The following ERMP1 variants were observed in gnomAD, a reference collection of about 807,000 sequenced individuals.
ERMP1 encodes the protein Felix-ina.
A neutral mutation model predicts 92.0 loss-of-function variants in ERMP1; 86 were observed. The observed-to-expected ratio is 0.93, with a 90% confidence interval of 0.79 to 1.12. ERMP1 has a LOEUF of 1.12. Among genes scored for constraint, ERMP1 ranks in the 50% most tolerant of loss-of-function variants. The pLI is 0.00. For synonymous variants in ERMP1, 530 were observed against 412.8 expected, an observed-to-expected ratio of 1.28 and a Z score of -3.44; for missense variants, 1,342 against 1,116.3, an observed-to-expected ratio of 1.20 and a Z score of -2.88.
intron 1 of ERMP1, among the ~76,000 whole-genome samples, chr9:5,831,274 A>C (rs1282224170): frequency 6.6e-6 from 1 of 152,138 alleles, no homozygotes; most frequent in Admixed American, 6.5e-5. Flanking sequence ...ACTTCTCCCC[A>C]TATCAAACCA....
chr9:5,832,457 G>A (rs941206180), intron 1 of ERMP1: 1 of 455,608 alleles, frequency 2.2e-6, no homozygotes, highest in Non-Finnish European at 3.8e-6. Flanking sequence ...AATCTACCTG[G>A]CAACCCCAAT....
chr9:5,812,859 C>T (rs1251333321), intron 5 of ERMP1, 30 bp downstream of exon 5: 6 of 1,613,230 alleles, frequency 3.7e-6, no homozygotes, highest in Non-Finnish European at 5.1e-6. Context: ...ATAAATGCTG[C>T]ACAGTAGGCC....
chr9:5,804,830 A>T (rs979048757), intron 10 of ERMP1, among the ~76,000 whole-genome samples, 197 bp downstream of exon 10: 2 of 151,962 alleles, frequency 1.3e-5, no homozygotes, highest in Admixed American at 6.6e-5. Flanking sequence ...AAAAACTTTT[A>T]AACAGCAACA....
chr9:5,852,049 T>A (rs1220113909), intron 6 of ERMP1, among the ~76,000 whole-genome samples: 1 of 152,174 alleles, frequency 6.6e-6, no homozygotes, highest in Non-Finnish European at 1.5e-5. Flanking sequence ...GACGTTTATG[T>A]CATTACTTTT....
intron 4 of ERMP1, among the ~76,000 whole-genome samples, chr9:5,817,135 T>C (rs180964841): frequency 2.0e-5 from 3 of 152,186 alleles, no homozygotes; most frequent in African/African-American, 7.2e-5. Context: ...CCTGACCTCG[T>C]GATCCGCCTG....
chr9:5,843,207 C>T (rs1045566680), intron 6 of ERMP1, among the ~76,000 whole-genome samples: 1 of 152,150 alleles, frequency 6.6e-6, no homozygotes, highest in Non-Finnish European at 1.5e-5. Flanking sequence ...GAACTAGAAC[C>T]CTGGCTCCAC....
chr9:5,825,128 T>C lies in ERMP1; in HGVS notation c.732A>G (p.Ile244Met), dbSNP rs144810528. 45 of 1,614,038 alleles carry C rather than the reference T, an allele frequency of 2.8e-5. No homozygotes were observed. In the African/African-American group the frequency reaches 4.0e-4, roughly 14 times the overall value. Residue 244 changes from isoleucine (I) to methionine (M), a missense_variant, in exon 3 of 15, where the codon ATA (isoleucine) becomes ATG (methionine). Coordinates refer to ENST00000339450, the MANE Select transcript of ERMP1 (RefSeq NM_024896.3). ...TSSEALHHAV[I>M]FLFNGAEENV... Reference sequence around the variant, plus strand: ...TTTCCTCAGCACCATTAAAGAGAAATATGACAGCATGATGCAAGGCTTCTG... The same window carrying C: ...TTTCCTCAGCACCATTAAAGAGAAACATGACAGCATGATGCAAGGCTTCTG...
Position 5,830,903 on chromosome 9 carries a change from T to G in ERMP1, c.464A>C (p.His155Pro), listed in dbSNP as rs757070166. ...CCGTTGTACATCTACTGAAATCTTA[T>G]GAAGGCTGTTGCTTTGCACTTCAAT... ...KLIEVQSNSL[H>P]KISVDVQRPT... The change falls in exon 2 of 15, where the codon CAT becomes CCT. Residue 155 changes from histidine to proline, a missense_variant. By Grantham distance (77) the His-to-Pro change is moderately conservative. Transcript: ENST00000339450. 8 of 1,614,080 alleles carry G rather than the reference T, an allele frequency of 5.0e-6. No individual in the cohort carries two copies. The highest frequency in any genetic ancestry group is 5.9e-6 in the Non-Finnish European group (7 of 1,180,034).
chr9:5,814,393 C>T (rs1829223495), intron 4 of ERMP1, among the ~76,000 whole-genome samples: 1 of 152,120 alleles, frequency 6.6e-6, no homozygotes, highest in Admixed American at 6.5e-5. Flanking sequence ...GTCAGGGAAT[C>T]TAAGAATATT....
intron 5 of ERMP1, among the ~76,000 whole-genome samples, chr9:5,864,678 T>C (rs570265202): frequency 6.6e-6 from 1 of 152,280 alleles, no homozygotes; most frequent in East Asian, 1.9e-4. Context: ...GGCACCTTCC[T>C]TACCAGGATG....
At chr9:5,814,528 AG>A (rs1276318613) in intron 4 of ERMP1, among the ~76,000 whole-genome samples, 1 of 152,186 alleles carries the variant, frequency 6.6e-6, no homozygotes, top group African/African-American at 2.4e-5. Flanking sequence ...AGAGCACCTG[AG>A]GTCAGGCATT....
At chr9:5,867,071 C>G (rs751082399) in intron 5 of ERMP1, among the ~76,000 whole-genome samples, 6 of 152,138 alleles carry the variant, frequency 3.9e-5, no homozygotes, top group Non-Finnish European at 7.3e-5. Context: ...TGGCGCACAC[C>G]TATAGTCCTG....
At chr9:5,800,335 AG>A (rs1828620497) in intron 11 of ERMP1, among the ~76,000 whole-genome samples, 1 of 152,200 alleles carries the variant, frequency 6.6e-6, no homozygotes, top group Non-Finnish European at 1.5e-5. Context: ...ACTGCTTTAT[AG>A]TACCAGGTCT....
intron 13 of ERMP1, among the ~76,000 whole-genome samples, chr9:5,788,368 A>G (rs1442449659): frequency 6.6e-6 from 1 of 152,232 alleles, no homozygotes; most frequent in East Asian, 1.9e-4. Context: ...ACTTAAAAGT[A>G]TATTATTGAA....
intron 5 of ERMP1, among the ~76,000 whole-genome samples, chr9:5,866,247 C>T (rs1830656819): frequency 6.6e-6 from 1 of 152,102 alleles, no homozygotes; most frequent in South Asian, 2.1e-4. Flanking sequence ...TACTAGTTAC[C>T]TCTTTGATTT....
In ERMP1 at chr9:5,785,605, C is replaced by T. The variant is rs183881807; in HGVS notation, c.*1539G>A. On this transcript the variant is annotated 3_prime_UTR_variant, in exon 15 of 15. Transcript: ENST00000339450. Reference sequence around the variant, plus strand: ...AGGGAGTCACAGATTAGGCAGGCAACGAGGGGCATGATTTAAAAAGCACAT... The same window carrying T: ...AGGGAGTCACAGATTAGGCAGGCAATGAGGGGCATGATTTAAAAAGCACAT... 4 of 152,730 alleles carry T rather than the reference C, an allele frequency of 2.6e-5. No homozygotes were observed. The highest frequency in any genetic ancestry group is 4.8e-5 in the African/African-American group (2 of 41,538). 9.5% of individuals were successfully genotyped at this position (152,730 alleles called of 1,614,324 possible). A position where few individuals can be genotyped will look rare whatever the true frequency, so the allele number is the denominator to read the frequency against.
chr9:5,823,964 C>A lies in ERMP1; in HGVS notation c.806G>T (p.Ser269Ile), dbSNP rs751147418. 13 of 1,614,158 alleles carry A rather than the reference C, an allele frequency of 8.1e-6. No individual in the cohort carries two copies. Among genetic ancestry groups the A allele is most frequent in the Non-Finnish European group, 9.3e-6 (11 of 1,180,010 alleles). ...TAGGTTAATGAATGCACGAATCAAGCTAGCCCAGGGGTGCTGAGTAATGAA... is the reference window on the plus strand; with the variant it reads ...TAGGTTAATGAATGCACGAATCAAGATAGCCCAGGGGTGCTGAGTAATGAA... ...HGFITQHPWA[S>I]LIRAFINLEA... is the part of the protein sequence containing the mutation. The change falls in exon 4 of 15, where the codon AGC becomes ATC. Residue 269 changes from serine to isoleucine, a missense_variant. Ser to Ile is a moderately radical substitution (Grantham distance 142). Transcript: ENST00000339450.
chr9:5,837,401 T>C (rs377564545), upstream of ERMP1, among the ~76,000 whole-genome samples: 21 of 152,238 alleles, frequency 1.4e-4, no homozygotes, highest in African/African-American at 4.8e-4. Context: ...ACTTTTTAAC[T>C]AGTACAAAAA....
intron 13 of ERMP1, among the ~76,000 whole-genome samples, chr9:5,789,939 C>G (rs1260132): frequency 0.059 from 8,846 of 151,196 alleles, 810 homozygotes; most frequent in African/African-American, 0.2. Context: ...CTGCCTCAAC[C>G]TCCCAAAGTA....
Sources: gnomAD v4.1 joint callset for allele counts (sites outside exome capture counted in the v4.1 genomes callset) on GRCh38, gnomAD v4.1.1 for gene constraint, MANE v1.5 for transcripts, NCBI Gene and HGNC (gene_info 2026-07-23, HGNC 2026-07-21) for gene names.